SSTR3: variants seen among roughly 807,000 people sequenced by gnomAD.
SSTR3 encodes somatostatin receptor type 3.
For missense variants in SSTR3, 504 were observed against 604.7 expected (o/e 0.83, Z 1.75); for synonymous variants, 281 against 269.2 (o/e 1.04, Z -0.43).
rs1925833614 is a variant in SSTR3 at position 37,207,041 on chromosome 22, C to A, written c.763G>T (p.Val255Phe). The A allele has an allele frequency of 6.2e-6, 10 of 1,612,616 alleles. No homozygotes were observed. The highest frequency in any genetic ancestry group is 8.5e-6 in the Non-Finnish European group (10 of 1,179,842). The change falls in exon 2 of 2, where the codon GTC (valine) becomes TTC (phenylalanine). Residue 255 changes from valine to phenylalanine, a missense_variant. Val to Phe is a conservative substitution (Grantham distance 50). Transcript: ENST00000610913. ...ACCACGGCCACCACCATGCGCGTGA[C>A]CCTGCGTTCGGAGCGCCGCCGCCGC... ...CQRRRRSERR[V>F]TRMVVAVVAL...
rs771931676 is a variant in SSTR3 at position 37,207,814 on chromosome 22, A to T, written c.-11T>A. 6.7e-7 allele frequency: 1 copy of T among 1,496,234 alleles called. No homozygotes were observed. Among genetic ancestry groups the T allele is most frequent in the Non-Finnish European group, 8.9e-7 (1 of 1,123,532 alleles). The allele number at this position is 1,496,234 out of a possible 1,614,324, so 92.7% of individuals were successfully genotyped here. ...ATGAAGCATGTCCATGGCTGAGGGG[A>T]GGGTGGTCAGCAGTCAGCTATTTGC... On this transcript the variant is annotated 5_prime_UTR_variant, in exon 2 of 2. Transcript: ENST00000610913.
At chr22:37,215,100 A>G (rs28367390), upstream of SSTR3, among the ~76,000 whole-genome samples, 854 of 152,352 alleles carry the variant, frequency 5.6e-3, 13 homozygotes, top group African/African-American at 0.019. Flanking sequence ...GTAAATTTAG[A>G]AACCAGTAGA....
chr22:37,216,823 C>G (rs1033180165), upstream of SSTR3, among the ~76,000 whole-genome samples: 1 of 151,866 alleles, frequency 6.6e-6, no homozygotes, highest in Non-Finnish European at 1.5e-5. Flanking sequence ...GTTTTTGAGA[C>G]AGGGTCTTGC....
In SSTR3 at chr22:37,212,224, A is replaced by C; in HGVS notation, c.-436T>G. On this transcript the variant is annotated 5_prime_UTR_variant, in exon 1 of 2. Coordinates refer to ENST00000610913, the MANE Select transcript of SSTR3 (RefSeq NM_001051.5). ...GAGGTGGAGAAAGAGAGAGAGAGAG[A>C]AAGAGGGAGGGGGAGAGAGAGAGAG... 1 of 845,152 alleles carries C rather than the reference A, an allele frequency of 1.2e-6. No homozygotes were observed. The highest frequency in any genetic ancestry group is 1.4e-6 in the Non-Finnish European group (1 of 703,886). 52.4% of individuals were successfully genotyped at this position (845,152 alleles called of 1,614,324 possible).
chr22:37,207,136 C>T lies in SSTR3; in HGVS notation c.668G>A (p.Cys223Tyr), dbSNP rs1298140638. ...LGFFGPLLVI[C>Y]LCYLLIVVKV... ...CACCACGATGAGCAGGTAGCAGAGG[C>T]AGATGACCAGCAGCGGCCCGAAGAA... Residue 223 changes from cysteine (C) to tyrosine (Y), a missense_variant, in exon 2 of 2, where the codon TGC becomes TAC. By Grantham distance (194) the Cys-to-Tyr change is radical. Coordinates refer to ENST00000610913, the MANE Select transcript of SSTR3 (RefSeq NM_001051.5). The T allele has an allele frequency of 6.2e-7, 1 of 1,612,624 alleles. No individual in the cohort carries two copies. Among genetic ancestry groups the T allele is most frequent in the Admixed American group, 1.7e-5 (1 of 60,004 alleles).
At chr22:37,213,327 G>A (rs1441903913), upstream of SSTR3, among the ~76,000 whole-genome samples, 5 of 152,196 alleles carry the variant, frequency 3.3e-5, no homozygotes, top group Non-Finnish European at 2.9e-5. Context: ...CAGCACAGGA[G>A]TGATAAGGAA....
At position 37,211,919 on chromosome 22, in the gene SSTR3, A is replaced by C; in HGVS notation, c.-131T>G. On this transcript the variant is annotated 5_prime_UTR_variant, in exon 1 of 2. Coordinates refer to ENST00000610913, the MANE Select transcript of SSTR3 (RefSeq NM_001051.5). The stretch of plus-strand genomic sequence containing the variant: ...CCCAGTCCCCAGGTGCCCCCAGGGC[A>C]CTCCTAACTAGGGTCCCCACAAGGC... The C allele has an allele frequency of 9.1e-6, 9 of 985,440 alleles. No individual in the cohort carries two copies. The highest frequency in any genetic ancestry group is 1.1e-5 in the Non-Finnish European group (9 of 830,042). The allele number at this position is 985,440 out of a possible 1,614,324, so 61.0% of individuals were successfully genotyped here.
chr22:37,207,468 G>A lies in SSTR3; in HGVS notation c.336C>T (p.Gly112=), dbSNP rs752478524. 9 of 1,613,684 alleles carry A rather than the reference G, an allele frequency of 5.6e-6. 1 individual carries two copies. In the South Asian group the frequency reaches 9.9e-5, roughly 18 times the overall value. ...AQNALSYWPF[G]SLMCRLVMAV... ...CCATGACCAGGCGGCACATGAGGGA[G>A]CCGAAGGGCCAGTAGGACAGGGCGT... The change falls in exon 2 of 2, where the codon GGC becomes GGT. Residue 112 remains glycine, a synonymous_variant. Transcript: ENST00000610913.
intron 1 of SSTR3, among the ~76,000 whole-genome samples, chr22:37,211,237 C>T (rs1330350955): frequency 1.3e-5 from 2 of 152,206 alleles, no homozygotes; most frequent in African/African-American, 2.4e-5. Flanking sequence ...CTACATGCTT[C>T]GGCCTTCCCC....
At chr22:37,211,051 G>A (rs1926158480) in intron 1 of SSTR3, 4 of 887,096 alleles carry the variant, frequency 4.5e-6, no homozygotes, top group Non-Finnish European at 5.4e-6. Flanking sequence ...AAGCTGCAAA[G>A]GGTCACCCAG....
chr22:37,213,280 T>C (rs1383519866), upstream of SSTR3, among the ~76,000 whole-genome samples: 1 of 152,208 alleles, frequency 6.6e-6, no homozygotes, highest in Non-Finnish European at 1.5e-5. Context: ...CCAGATGTCT[T>C]GGGATGCCGT....
At chr22:37,217,726 C>G in the SSTR3 span, among the ~76,000 whole-genome samples, 1 of 151,998 alleles carries the variant, frequency 6.6e-6, no homozygotes, top group Non-Finnish European at 1.5e-5. Flanking sequence ...CAGACAGTCT[C>G]GCTCTCTCAC....
At chr22:37,207,898 C>G (rs1925950275) in intron 1 of SSTR3, 59 bp from the exon 2 acceptor site, 2 of 1,382,890 alleles carry the variant, frequency 1.4e-6, no homozygotes, top group Non-Finnish European at 1.9e-6. Context: ...GTGCTGCCCC[C>G]TCCCATCATG....
At chr22:37,215,610 A>G (rs138497799), upstream of SSTR3, 669 of 166,796 alleles carry the variant, frequency 4.0e-3, 9 homozygotes, top group Non-Finnish European at 2.8e-3. Context: ...ATGAACAAAG[A>G]GAAAAAGTAC....
At chr22:37,216,063 T>C (rs5756564), upstream of SSTR3, among the ~76,000 whole-genome samples, 45,705 of 152,114 alleles carry the variant, frequency 0.3, 7,799 homozygotes, top group Non-Finnish European at 0.4. Flanking sequence ...TCTCTGTCTC[T>C]TTTTCTTTCA....
the SSTR3 span, among the ~76,000 whole-genome samples, chr22:37,218,372 G>A: frequency 2.6e-5 from 4 of 151,996 alleles, no homozygotes; most frequent in African/African-American, 7.3e-5. Flanking sequence ...CCTGACCAAC[G>A]TGGAGAAACC....
chr22:37,207,898 C>T, intron 1 of SSTR3, 59 bp from the exon 2 acceptor site: 1 of 1,383,008 alleles, frequency 7.2e-7, no homozygotes, highest in South Asian at 1.8e-5. Context: ...GTGCTGCCCC[C>T]TCCCATCATG....
rs368210397 is a variant in SSTR3 at position 37,209,583 on chromosome 22, C to G, written c.-36-1744G>C. Among the ~76,000 whole-genome samples the G allele has an allele frequency of 1.6e-4, 24 of 152,312 alleles. No homozygotes were observed. The East Asian group carries it at 3.1e-3, about 20-fold the overall frequency. The stretch of plus-strand genomic sequence containing the variant: ...TGCTGCCAGCTGCTCATCACTGAGC[C>G]CTGACTGTGCCAGGTGCCAGGCTAA... On this transcript the variant is annotated intron_variant, in intron 1 of 1. Transcript: ENST00000610913.
At chr22:37,220,354 C>A in the SSTR3 span, among the ~76,000 whole-genome samples, 1 of 152,118 alleles carries the variant, frequency 6.6e-6, no homozygotes, top group Admixed American at 6.5e-5. Flanking sequence ...AGACATACCC[C>A]CAGCCTGGCC....
Sources: gnomAD v4.1 joint callset for allele counts (sites outside exome capture counted in the v4.1 genomes callset) on GRCh38, gnomAD v4.1.1 for gene constraint, MANE v1.5 for transcripts, NCBI Gene and HGNC (gene_info 2026-07-23, HGNC 2026-07-21) for gene names.